The following STK33 variants were observed in gnomAD, a reference collection of about 807,000 sequenced individuals.
STK33 encodes serine/threonine-protein kinase 33.
In STK33, 52 loss-of-function variants were observed where a neutral mutation model predicts 58.0. That is an observed-to-expected ratio of 0.90 (90% confidence interval 0.72 to 1.13). The LOEUF (loss-of-function observed/expected upper bound fraction) is 1.13. Ranked by LOEUF, STK33 falls within the 50% of genes most tolerant of loss-of-function variation. The probability of loss-of-function intolerance (pLI) is 0.00; values close to 1 mark genes in which losing one functional copy is unlikely to be tolerated. For synonymous variants in STK33, 215 were observed against 200.1 expected, an observed-to-expected ratio of 1.07 and a Z score of -0.63; for missense variants, 630 against 604.2, an observed-to-expected ratio of 1.04 and a Z score of -0.45.
In STK33 at chr11:8,541,047, A is replaced by G. The variant is rs990856794; in HGVS notation, c.-466+53036T>C. 4.0e-5 allele frequency among the ~76,000 whole-genome samples: 6 copies of G among 151,746 alleles called. No homozygotes were observed. The South Asian group carries it at 8.3e-4, about 21-fold the overall frequency. ...ATTATGCTGTAAACCTCAAATATAC[A>G]TAACACATTTTTTTAAATTTAGGTT... is the stretch of plus-strand genomic sequence containing the variant. On this transcript the variant is annotated intron_variant, in intron 1 of 15. Coordinates refer to ENST00000687296, the MANE Select transcript of STK33 (RefSeq NM_001352389.2).
intron 15 of STK33, among the ~76,000 whole-genome samples, chr11:8,402,256 C>T (rs1456423470): frequency 1.3e-5 from 2 of 152,170 alleles, no homozygotes; most frequent in African/African-American, 4.8e-5. Context: ...GAAAATGAGG[C>T]ACATATACAC....
chr11:8,383,152 G>A, the STK33 span, among the ~76,000 whole-genome samples: 1 of 152,154 alleles, frequency 6.6e-6, no homozygotes, highest in Non-Finnish European at 1.5e-5. Flanking sequence ...TTCAATTTTG[G>A]AAAAAGACCC....
chr11:8,345,425 G>A, the STK33 span, among the ~76,000 whole-genome samples: 4 of 152,236 alleles, frequency 2.6e-5, no homozygotes, highest in East Asian at 1.9e-4. Context: ...CCACGAATAC[G>A]TATTAAGCAC....
At chr11:8,377,213 A>G in the STK33 span, among the ~76,000 whole-genome samples, 2 of 152,232 alleles carry the variant, frequency 1.3e-5, no homozygotes, top group Non-Finnish European at 2.9e-5. Context: ...ATACCCCTAT[A>G]GTTGTGGGGT....
At chr11:8,382,675 T>C in the STK33 span, among the ~76,000 whole-genome samples, 1 of 152,146 alleles carries the variant, frequency 6.6e-6, no homozygotes, top group Non-Finnish European at 1.5e-5. Flanking sequence ...CTGTGTGAGG[T>C]TGCCAAACCT....
intron 1 of STK33, among the ~76,000 whole-genome samples, chr11:8,488,924 G>A (rs375337948): frequency 3.3e-5 from 5 of 152,258 alleles, no homozygotes; most frequent in South Asian, 2.1e-4. Flanking sequence ...TAAATGAACC[G>A]TTTTAAATAT....
the STK33 span, among the ~76,000 whole-genome samples, chr11:8,356,466 C>T: frequency 5.3e-5 from 8 of 151,004 alleles, no homozygotes; most frequent in Admixed American, 3.3e-4. Flanking sequence ...TCCTTTCCTG[C>T]GGACAGTGGT....
At chr11:8,575,503 C>T (rs185480464) in intron 1 of STK33, among the ~76,000 whole-genome samples, 1 of 152,168 alleles carries the variant, frequency 6.6e-6, no homozygotes, top group Admixed American at 6.5e-5. Context: ...CACAAAATGA[C>T]AAATATTGTA....
chr11:8,457,194 T>C lies in STK33; in HGVS notation c.697+147A>G, dbSNP rs1028107070. 25 of 620,760 alleles carry C rather than the reference T, an allele frequency of 4.0e-5. No homozygotes were observed. The East Asian group carries it at 4.8e-4, about 12-fold the overall frequency. The allele number at this position is 620,760 out of a possible 1,614,324, so 38.5% of individuals were successfully genotyped here. A position where few individuals can be genotyped will look rare whatever the true frequency, so the allele number is the denominator to read the frequency against. On this transcript the variant is annotated intron_variant, in intron 9 of 15. Transcript: ENST00000687296. ...ATTAAAACATATCTAAAAAGAAAGT[T>C]AAAAAGGAAACATTTTTAACTAAAA... is the stretch of plus-strand genomic sequence containing the variant.
At position 8,558,891 on chromosome 11, in the gene STK33, G is replaced by A. The variant is rs551603243; in HGVS notation, c.-466+35192C>T. Among the ~76,000 whole-genome samples the A allele has an allele frequency of 2.8e-4, 43 of 152,232 alleles. No individual in the cohort carries two copies. In the South Asian group the frequency reaches 3.1e-3, roughly 11 times the overall value. ...GTTAATATAGCACAACTGGCTGTGC[G>A]GGTATTCAAATTCAAAAAGCTAATG... On this transcript the variant is annotated intron_variant, in intron 1 of 15. Coordinates refer to ENST00000687296, the MANE Select transcript of STK33 (RefSeq NM_001352389.2).
At chr11:8,423,173 GATTT>G (rs1057475410) in intron 14 of STK33, among the ~76,000 whole-genome samples, 10 of 149,628 alleles carry the variant, frequency 6.7e-5, no homozygotes, top group South Asian at 4.2e-4. Flanking sequence ...TTTCACCAAA[GATTT>G]ATTTATTTTG....
chr11:8,464,769 A>G lies in STK33; in HGVS notation c.393T>C (p.Ile131=). 1 of 1,613,762 alleles carries G rather than the reference A, an allele frequency of 6.2e-7. No individual in the cohort carries two copies. The highest frequency in any genetic ancestry group is 8.5e-7 in the Non-Finnish European group (1 of 1,179,828). Residue 131 remains isoleucine (I), a synonymous_variant, in exon 7 of 16, where the codon ATT becomes ATC. Coordinates refer to ENST00000687296, the MANE Select transcript of STK33 (RefSeq NM_001352389.2). ...TTTCTGTTTCCTTGTCTGTCGCTTC[A>G]ATGACTATTCCAAAGCTCCCTTTTC... ...ILGKGSFGIV[I]EATDKETETK...
intron 6 of STK33, among the ~76,000 whole-genome samples, chr11:8,469,914 T>C (rs1241384726): frequency 6.6e-6 from 1 of 152,254 alleles, no homozygotes; most frequent in Non-Finnish European, 1.5e-5. Flanking sequence ...CAGTAAACCA[T>C]GCTGTAAGCA....
At chr11:8,356,996 G>A in the STK33 span, among the ~76,000 whole-genome samples, 2 of 152,232 alleles carry the variant, frequency 1.3e-5, no homozygotes, top group African/African-American at 4.8e-5. Flanking sequence ...TGCATTAAAT[G>A]AAGGTGGAGG....
At position 8,454,784 on chromosome 11, in the gene STK33, C is replaced by T; in HGVS notation, c.746G>A (p.Ser249Asn). The change falls in exon 10 of 16, where the codon AGT becomes AAT. Residue 249 changes from serine to asparagine, a missense_variant. Ser to Asn is a conservative substitution (Grantham distance 46). Transcript: ENST00000687296. ...LKLENIMVKS[S>N]LIDDNNEINL... ...TATTTCATTGTTATCATCAATAAGACTGCTTTTAACCATTATATTTTCCAG... is the reference window on the plus strand; with the variant it reads ...TATTTCATTGTTATCATCAATAAGATTGCTTTTAACCATTATATTTTCCAG... The T allele has an allele frequency of 6.3e-7, 1 of 1,575,586 alleles. No homozygotes were observed. Among genetic ancestry groups the T allele is most frequent in the South Asian group, 1.1e-5 (1 of 87,256 alleles).
chr11:8,496,553 T>G (rs1951070010), intron 1 of STK33, among the ~76,000 whole-genome samples: 1 of 152,168 alleles, frequency 6.6e-6, no homozygotes, highest in Non-Finnish European at 1.5e-5. Context: ...AATTATTTTT[T>G]TAAAATAAGC....
chr11:8,429,770 C>T (rs964930517), intron 14 of STK33, among the ~76,000 whole-genome samples: 2 of 152,158 alleles, frequency 1.3e-5, no homozygotes, highest in Non-Finnish European at 2.9e-5. Context: ...CAATACTCAT[C>T]TTGTTTCTAT....
At chr11:8,441,765 A>C (rs1944775197) in intron 11 of STK33, among the ~76,000 whole-genome samples, 1 of 152,220 alleles carries the variant, frequency 6.6e-6, no homozygotes, top group Non-Finnish European at 1.5e-5. Flanking sequence ...AATAGTTATA[A>C]GCAGAAAAAT....
At chr11:8,428,975 CTT>C (rs942195460) in intron 14 of STK33, among the ~76,000 whole-genome samples, 10 of 151,792 alleles carry the variant, frequency 6.6e-5, no homozygotes, top group African/African-American at 2.4e-4. Context: ...TAAATTTGAA[CTT>C]TTTTTGTAAA....
Sources: gnomAD v4.1 joint callset for allele counts (sites outside exome capture counted in the v4.1 genomes callset) on GRCh38, gnomAD v4.1.1 for gene constraint, MANE v1.5 for transcripts, NCBI Gene and HGNC (gene_info 2026-07-23, HGNC 2026-07-21) for gene names.